TVP23A: variants seen among roughly 807,000 people sequenced by gnomAD.
The protein encoded by TVP23A is Golgi apparatus membrane protein TVP23 homolog A.
In TVP23A, 21 loss-of-function variants were observed where a neutral mutation model predicts 31.7. The observed-to-expected ratio is 0.66, with a 90% CI of 0.47 to 0.95. The LOEUF is 0.95. Ranked by LOEUF, TVP23A falls within the 40% of genes least tolerant of loss-of-function variation. The pLI, the probability that TVP23A is intolerant of heterozygous loss-of-function variation, is 0.00. For missense variants in TVP23A, 279 were observed against 255.6 expected (o/e 1.09, Z -0.62); for synonymous variants, 104 against 96.0 (o/e 1.08, Z -0.49).
chr16:10,774,064 C>T lies in TVP23A; in HGVS notation c.299G>A (p.Ser100Asn). 1 of 1,611,862 alleles carries T rather than the reference C, an allele frequency of 6.2e-7. No individual in the cohort carries two copies. Among genetic ancestry groups the T allele is most frequent in the Non-Finnish European group, 8.5e-7 (1 of 1,179,090 alleles). Residue 100 changes from serine to asparagine, a missense_variant, in exon 4 of 8, where the codon AGC becomes AAC. Coordinates refer to ENST00000299866, the MANE Select transcript of TVP23A (RefSeq NM_001079512.4). ...WWNQIDEDGK[S>N]HWIFEARKVS... ...CTTCCTGGCTTCAAAGATCCAGTGG[C>T]TCTTCCCATCTTCATCTATCTGGTT...
At chr16:10,781,913 G>A (rs1477359262) in intron 2 of TVP23A, among the ~76,000 whole-genome samples, 1 of 136,220 alleles carries the variant, frequency 7.3e-6, no homozygotes, top group East Asian at 2.1e-4. Flanking sequence ...CCAGGCTGGA[G>A]TGCAGTGATA....
intron 5 of TVP23A, 67 bp downstream of exon 5, chr16:10,773,246 C>A (rs1231437400): frequency 6.6e-7 from 1 of 1,518,400 alleles, no homozygotes; most frequent in South Asian, 1.3e-5. Context: ...ACAACAAAAG[C>A]CTAGTGGTGC....
At chr16:10,790,927 G>A (rs960710194) in intron 2 of TVP23A, among the ~76,000 whole-genome samples, 6 of 152,158 alleles carry the variant, frequency 3.9e-5, no homozygotes, top group Non-Finnish European at 7.4e-5. Flanking sequence ...ATTCCAATGG[G>A]AGGAGGGTAG....
At chr16:10,770,138 C>T (rs1010675236) in intron 7 of TVP23A, 134 bp downstream of exon 7, 5 of 1,128,842 alleles carry the variant, frequency 4.4e-6, no homozygotes, top group Admixed American at 2.7e-5. Flanking sequence ...CAGTCTGCTT[C>T]CTGCCTGGTC....
intron 2 of TVP23A, among the ~76,000 whole-genome samples, chr16:10,794,232 G>C (rs1002954781): frequency 6.6e-6 from 1 of 152,178 alleles, no homozygotes; most frequent in Non-Finnish European, 1.5e-5. Flanking sequence ...ATCTCAACAT[G>C]CATTTTACAG....
chr16:10,791,415 G>C (rs1293464584), intron 2 of TVP23A, among the ~76,000 whole-genome samples: 1 of 152,134 alleles, frequency 6.6e-6, no homozygotes, highest in Non-Finnish European at 1.5e-5. Flanking sequence ...TCCTTTTAAT[G>C]AAAATCAGCC....
intron 2 of TVP23A, among the ~76,000 whole-genome samples, chr16:10,817,219 T>C (rs1596594789): frequency 2.0e-5 from 3 of 152,390 alleles, no homozygotes; most frequent in Admixed American, 1.3e-4. Flanking sequence ...GCCAAGATGA[T>C]AATGGTAATT....
Position 10,779,730 on chromosome 16 carries a change from C to T in TVP23A, c.90-4634G>A, listed in dbSNP as rs2032303109. 6.6e-6 allele frequency among the ~76,000 whole-genome samples: 1 copy of T among 152,204 alleles called. No individual in the cohort carries two copies. Among genetic ancestry groups the T allele is most frequent in the African/African-American group, 2.4e-5 (1 of 41,452 alleles). ...ATATCGCCAGGCCAACTTAAAATTA[C>T]CAAGTTTTCCAGAGCTTATATACCT... On this transcript the variant is annotated intron_variant, in intron 2 of 7. Transcript: ENST00000299866. The surrounding 1 kb of genome is among the most constrained non-coding windows in gnomAD (Gnocchi z 4.9).
At chr16:10,815,504 C>G (rs561984595) in intron 2 of TVP23A, among the ~76,000 whole-genome samples, 1 of 152,280 alleles carries the variant, frequency 6.6e-6, no homozygotes, top group Non-Finnish European at 1.5e-5. Flanking sequence ...GGTTTTCAAC[C>G]GGGGGCAAGT....
At chr16:10,783,545 G>A (rs1039260989) in intron 2 of TVP23A, among the ~76,000 whole-genome samples, 5 of 151,898 alleles carry the variant, frequency 3.3e-5, no homozygotes, top group African/African-American at 9.7e-5. Flanking sequence ...GCGTGGTGGC[G>A]CGTACCTGTA....
Position 10,767,978 on chromosome 16 carries a change from T to C in TVP23A, c.*1124A>G. On this transcript the variant is annotated 3_prime_UTR_variant, in exon 8 of 8. Coordinates refer to ENST00000299866, the MANE Select transcript of TVP23A (RefSeq NM_001079512.4). This position sits in a 1 kb window ranked among gnomAD's most constrained non-coding sequence, Gnocchi z 4.6. ...GAATTGTGACAAAGGCCAGTCTTTT[T>C]TCATTGACGCCCCAGATTCCCCAGC... 6.2e-7 allele frequency: 1 copy of C among 1,614,158 alleles called. No individual in the cohort carries two copies. The highest frequency in any genetic ancestry group is 1.1e-5 in the South Asian group (1 of 91,080).
downstream of TVP23A, chr16:10,761,042 T>C: frequency 4.4e-6 from 1 of 225,212 alleles, no homozygotes; most frequent in Non-Finnish European, 8.9e-6. Context: ...AGAGAGAGAG[T>C]GTGTAGGAGG....
intron 5 of TVP23A, 43 bp downstream of exon 5, chr16:10,773,270 G>A: frequency 1.3e-6 from 2 of 1,546,970 alleles, no homozygotes; most frequent in Non-Finnish European, 1.7e-6. Flanking sequence ...CACTTTTTTT[G>A]CAGAGACATC....
At position 10,768,965 on chromosome 16, in the gene TVP23A, C is replaced by T. The variant is rs2142853516; in HGVS notation, c.*137G>A. ...CCAGAGGATTCCACCCCTGTCAAAA[C>T]ACAGCCCTCCCCAGCACAGGACAGG... On this transcript the variant is annotated 3_prime_UTR_variant, in exon 8 of 8. Coordinates refer to ENST00000299866, the MANE Select transcript of TVP23A (RefSeq NM_001079512.4). The surrounding 1 kb of genome is among the most constrained non-coding windows in gnomAD (Gnocchi z 4.3). 7.8e-7 allele frequency: 1 copy of T among 1,278,972 alleles called. No individual in the cohort carries two copies. The highest frequency in any genetic ancestry group is 1.1e-6 in the Non-Finnish European group (1 of 883,872). 79.2% of individuals were successfully genotyped at this position (1,278,972 alleles called of 1,614,324 possible).
intron 2 of TVP23A, among the ~76,000 whole-genome samples, chr16:10,790,486 C>T (rs866958104): frequency 3.3e-5 from 5 of 151,940 alleles, no homozygotes; most frequent in East Asian, 1.9e-4. Context: ...AGGGTTTCAC[C>T]GTGTTAGCCA....
chr16:10,771,828 CT>C (rs760027687), intron 5 of TVP23A, 30 bp from the exon 6 acceptor site: 10 of 1,548,714 alleles, frequency 6.5e-6, no homozygotes, highest in Middle Eastern at 1.8e-4. Flanking sequence ...GCAAAGGTCA[CT>C]TTTTTTTGAG....
In TVP23A at chr16:10,768,130, G is replaced by A; in HGVS notation, c.*972C>T. Reference sequence around the variant, plus strand: ...GAAGGACAGGTGGGTGGTGGGGTCTGTGATGACCACAGAGTGGCCCCCATA... The same window carrying A: ...GAAGGACAGGTGGGTGGTGGGGTCTATGATGACCACAGAGTGGCCCCCATA... On this transcript the variant is annotated 3_prime_UTR_variant, in exon 8 of 8. Transcript: ENST00000299866. This position sits in a 1 kb window ranked among gnomAD's most constrained non-coding sequence, Gnocchi z 4.3. 1.4e-5 allele frequency: 16 copies of A among 1,131,314 alleles called. 1 individual carries two copies. Among genetic ancestry groups the A allele is most frequent in the Non-Finnish European group, 2.0e-5 (15 of 759,500 alleles). 70.1% of individuals were successfully genotyped at this position (1,131,314 alleles called of 1,614,324 possible).
At chr16:10,774,926 G>A in intron 3 of TVP23A, 26 bp downstream of exon 3, 1 of 1,603,600 alleles carries the variant, frequency 6.2e-7, no homozygotes. Context: ...TTTCGGAAGT[G>A]ATGACATCAC....
At chr16:10,792,881 T>C (rs371272313) in intron 2 of TVP23A, among the ~76,000 whole-genome samples, 5 of 152,262 alleles carry the variant, frequency 3.3e-5, no homozygotes, top group East Asian at 1.9e-4. Flanking sequence ...GTGCTCAGTT[T>C]CCATTCAAAG....
Sources: gnomAD v4.1 joint callset for allele counts (sites outside exome capture counted in the v4.1 genomes callset) on GRCh38, gnomAD v4.1.1 for gene constraint, Gnocchi (gnomAD v3.1) non-coding constraint, MANE v1.5 for transcripts, NCBI Gene and HGNC (gene_info 2026-07-23, HGNC 2026-07-21) for gene names.